Variants in PPP1R13B observed in about 807,000 individuals in gnomAD.
PPP1R13B encodes the protein protein phosphatase 1 regulatory subunit 13B.
Under a neutral mutation model 119.8 loss-of-function variants are expected in PPP1R13B, and 44 were observed. The ratio of observed to expected loss-of-function variants is 0.37; its 90% CI spans 0.29 to 0.47. The LOEUF is 0.47. Ranked by LOEUF, PPP1R13B falls within the 20% of genes least tolerant of loss-of-function variation. The pLI, the probability that PPP1R13B is intolerant of heterozygous loss-of-function variation, is 0.99. For missense variants in PPP1R13B, 1,227 were observed against 1,413.5 expected (o/e 0.87, Z 2.12); for synonymous variants, 542 against 561.5 (o/e 0.97, Z 0.49).
intron 4 of PPP1R13B, chr14:103,759,370 C>T (rs990381352): frequency 3.4e-5 from 5 of 147,792 alleles, no homozygotes; most frequent in African/African-American, 5.0e-5. Context: ...CTGAATCTCA[C>T]TCTGTCACCC....
intron 12 of PPP1R13B, 43 bp downstream of exon 12, chr14:103,739,777 CATGA>C (rs2084204764): frequency 6.5e-7 from 1 of 1,535,534 alleles, no homozygotes; most frequent in South Asian, 1.3e-5. Context: ...GTCCTGGTTG[CATGA>C]ATGACCAGGA....
intron 2 of PPP1R13B, among the ~76,000 whole-genome samples, chr14:103,786,169 T>G (rs1354646899): frequency 6.6e-6 from 1 of 152,052 alleles, no homozygotes; most frequent in Non-Finnish European, 1.5e-5. Context: ...CCTCCCAAGT[T>G]AGCTGAAACT....
chr14:103,801,475 C>A (rs2085899736), intron 1 of PPP1R13B, among the ~76,000 whole-genome samples: 2 of 152,168 alleles, frequency 1.3e-5, no homozygotes, highest in South Asian at 2.1e-4. Context: ...TGCCCAAGTA[C>A]CCTTCCTGTT....
At chr14:103,757,510 G>C (rs2084706096) in intron 5 of PPP1R13B, 140 bp downstream of exon 5, 6 of 709,062 alleles carry the variant, frequency 8.5e-6, no homozygotes, top group Non-Finnish European at 1.4e-5. Context: ...ATAACAAAGA[G>C]AGAAAGACTG....
chr14:103,796,118 C>G (rs992825108), intron 2 of PPP1R13B, among the ~76,000 whole-genome samples: 12 of 151,786 alleles, frequency 7.9e-5, no homozygotes, highest in African/African-American at 2.9e-4. Flanking sequence ...ATGGCAAAAC[C>G]CTGTTTCTAC....
At chr14:103,804,159 G>A in intron 1 of PPP1R13B, 1 of 581,490 alleles carries the variant, frequency 1.7e-6, no homozygotes, top group Non-Finnish European at 2.2e-6. Flanking sequence ...GTGTTCTCCA[G>A]CTCAGTGCCT....
intron 16 of PPP1R13B, among the ~76,000 whole-genome samples, chr14:103,735,725 G>A (rs752279433): frequency 1.3e-5 from 2 of 152,204 alleles, no homozygotes; most frequent in Non-Finnish European, 2.9e-5. Context: ...GGGCCACTTG[G>A]TGAAGTTCAT....
At chr14:103,819,997 G>A (rs1033979737) in intron 1 of PPP1R13B, among the ~76,000 whole-genome samples, 1 of 152,180 alleles carries the variant, frequency 6.6e-6, no homozygotes, top group Non-Finnish European at 1.5e-5. Flanking sequence ...TGGCTCCTAA[G>A]CCTGCACTTA....
Position 103,737,695 on chromosome 14 carries a change from A to G in PPP1R13B, c.3030T>C (p.Tyr1010=). 2 of 1,614,120 alleles carry G rather than the reference A, an allele frequency of 1.2e-6. No individual in the cohort carries two copies. Among genetic ancestry groups the G allele is most frequent in the African/African-American group, 2.7e-5 (2 of 75,072 alleles). Residue 1010 remains tyrosine (Y), a splice_region_variant and synonymous_variant, in exon 15 of 17, where the codon TAT becomes TAC. Transcript: ENST00000202556. The stretch of plus-strand genomic sequence containing the variant: ...TGGCCCCAGGCCTCCCCTGCGTACC[A>G]TATAGAAACTGGGAGCACTGGATGT... ...EGYIQCSQFL[Y]GVQEKLGVMN...
At chr14:103,785,133 C>T (rs1395719214) in intron 2 of PPP1R13B, among the ~76,000 whole-genome samples, 1 of 152,176 alleles carries the variant, frequency 6.6e-6, no homozygotes, top group African/African-American at 2.4e-5. Flanking sequence ...AAAGTATCCA[C>T]GAAAGCAATT....
At chr14:103,779,218 G>C (rs1371952536) in intron 3 of PPP1R13B, among the ~76,000 whole-genome samples, 7 of 151,836 alleles carry the variant, frequency 4.6e-5, no homozygotes, top group Admixed American at 4.6e-4. Context: ...GAGTGAGAGG[G>C]GTCGAGGCTG....
chr14:103,802,394 A>AT (rs1036181911), intron 1 of PPP1R13B, among the ~76,000 whole-genome samples: 4 of 151,722 alleles, frequency 2.6e-5, no homozygotes, highest in Non-Finnish European at 4.4e-5. Context: ...GAGTAAAAAA[A>AT]TTTTTTTTTA....
Position 103,734,806 on chromosome 14 carries a change from C to T in PPP1R13B, c.*348G>A, listed in dbSNP as rs900450093. 3 of 458,624 alleles carry T rather than the reference C, an allele frequency of 6.5e-6. No homozygotes were observed. Among genetic ancestry groups the T allele is most frequent in the African/African-American group, 3.9e-5 (2 of 50,780 alleles). The allele number at this position is 458,624 out of a possible 1,614,324, so 28.4% of individuals were successfully genotyped here. ...TGTTCACTGCTGGAGGGGGTGATGGCCTCGGGGCCAAGTCAGTAAGAGCTT... is the reference window on the plus strand; with the variant it reads ...TGTTCACTGCTGGAGGGGGTGATGGTCTCGGGGCCAAGTCAGTAAGAGCTT... On this transcript the variant is annotated 3_prime_UTR_variant, in exon 17 of 17. Coordinates refer to ENST00000202556, the MANE Select transcript of PPP1R13B (RefSeq NM_015316.3).
In PPP1R13B at chr14:103,734,121, G is replaced by A. The variant is rs529725608; in HGVS notation, c.*1033C>T. ...CAGTGAAGCGCCCTCCTTGCCTTGA[G>A]GCTGGGCCTGGGACAAAGGTGGCCT... On this transcript the variant is annotated 3_prime_UTR_variant, in exon 17 of 17. Transcript: ENST00000202556. 9 of 214,638 alleles carry A rather than the reference G, an allele frequency of 4.2e-5. No individual in the cohort carries two copies. The East Asian group carries it at 8.9e-4, about 21-fold the overall frequency. The allele number at this position is 214,638 out of a possible 1,614,324, so 13.3% of individuals were successfully genotyped here.
chr14:103,773,172 A>G (rs2085110059), intron 4 of PPP1R13B, among the ~76,000 whole-genome samples: 1 of 152,218 alleles, frequency 6.6e-6, no homozygotes. Context: ...TCACTAACTG[A>G]AAGATGAATC....
chr14:103,751,379 T>C (rs2084541018), intron 7 of PPP1R13B, among the ~76,000 whole-genome samples: 1 of 152,228 alleles, frequency 6.6e-6, no homozygotes, highest in African/African-American at 2.4e-5. Context: ...ACAAGTGATT[T>C]TACTCTATGT....
intron 1 of PPP1R13B, among the ~76,000 whole-genome samples, chr14:103,808,449 A>G (rs2086069848): frequency 1.3e-5 from 2 of 152,154 alleles, no homozygotes; most frequent in Admixed American, 6.5e-5. Flanking sequence ...AATGAGTTAG[A>G]AAAAAAGATC....
chr14:103,756,568 A>C (rs1249820333), intron 5 of PPP1R13B, among the ~76,000 whole-genome samples: 1 of 152,132 alleles, frequency 6.6e-6, no homozygotes, highest in Non-Finnish European at 1.5e-5. Context: ...ACTGTAATAA[A>C]CCAAACAAGT....
In PPP1R13B at chr14:103,776,260, TA is replaced by T. The variant is rs1199862961; in HGVS notation, c.354+2484del. Among the ~76,000 whole-genome samples, 6 of 148,602 alleles carry T rather than the reference TA, an allele frequency of 4.0e-5. No homozygotes were observed. The East Asian group carries it at 1.2e-3, about 30-fold the overall frequency. ...AGGAAAGATGGCAGGGGCCTAATAT[TA>T]TCATTTTACAAAGAGCAAGGTCCAG... On this transcript the variant is annotated intron_variant, in intron 4 of 16. Coordinates refer to ENST00000202556, the MANE Select transcript of PPP1R13B (RefSeq NM_015316.3).
Sources: allele counts gnomAD v4.1 joint callset (sites outside exome capture counted in the v4.1 genomes callset), GRCh38; gene constraint gnomAD v4.1.1; transcripts MANE v1.5; gene names NCBI Gene and HGNC (gene_info 2026-07-23, HGNC 2026-07-21).